Variants in DLGAP2 observed in about 807,000 individuals in gnomAD.
DLGAP2 encodes DLG associated protein 2, also known as disks large-associated protein 2.
In DLGAP2, 26 loss-of-function variants were observed where a neutral mutation model predicts 100.3. The observed-to-expected ratio is 0.26, with a 90% CI of 0.19 to 0.36. The LOEUF (loss-of-function observed/expected upper bound fraction) is 0.36. DLGAP2 is among the 10% of genes least tolerant of loss of function. The pLI, the probability that DLGAP2 is intolerant of heterozygous loss-of-function variation, is 1.00. For synonymous variants in DLGAP2, 886 were observed against 630.1 expected, an observed-to-expected ratio of 1.41 and a Z score of -6.08; for missense variants, 1,858 against 1,453.2, an observed-to-expected ratio of 1.28 and a Z score of -4.53.
chr8:1,174,779 T>TCAC (rs1326328960), intron 2 of DLGAP2, among the ~76,000 whole-genome samples: 18 of 152,170 alleles, frequency 1.2e-4, no homozygotes, highest in African/African-American at 4.3e-4. Context: ...ATTGTCATCA[T>TCAC]CACCACCATC....
chr8:1,694,827 G>A (rs1001439752), intron 13 of DLGAP2, among the ~76,000 whole-genome samples: 2 of 152,146 alleles, frequency 1.3e-5, no homozygotes, highest in African/African-American at 2.4e-5. Flanking sequence ...TTTGCTGGGG[G>A]AAAGGGAATG....
At chr8:911,153 C>A (rs1798476745) in intron 2 of DLGAP2, among the ~76,000 whole-genome samples, 1 of 152,078 alleles carries the variant, frequency 6.6e-6, no homozygotes, top group South Asian at 2.1e-4. Context: ...AGACCTCTTA[C>A]ACTTGCTTTA....
chr8:1,191,205 T>G (rs1342743580), intron 2 of DLGAP2, among the ~76,000 whole-genome samples: 6 of 147,944 alleles, frequency 4.1e-5, no homozygotes, highest in African/African-American at 1.5e-4. Context: ...GGAATCTCAC[T>G]CTGTCACCCA....
In DLGAP2 at chr8:1,668,643, C is replaced by G; in HGVS notation, c.2125C>G (p.Leu709Val). ...CATCCTGGTGTCCAAGGCGGAGGAG[C>G]TCCTCAAGAGCCGCTGCTCCTCCAT... is the stretch of plus-strand genomic sequence containing the variant. Reference protein sequence around the residue: ...KAILVSKAEELLKSRCSSIGI... With the variant: ...KAILVSKAEEVLKSRCSSIGI... Residue 709 changes from leucine (L) to valine (V), a missense_variant, in exon 9 of 15, where the codon CTC becomes GTC. By Grantham distance (32) the Leu-to-Val change is conservative. Coordinates refer to ENST00000637795, the MANE Select transcript of DLGAP2 (RefSeq NM_001346810.2). 1 of 1,587,626 alleles carries G rather than the reference C, an allele frequency of 6.3e-7. No homozygotes were observed. Among genetic ancestry groups the G allele is most frequent in the Non-Finnish European group, 8.6e-7 (1 of 1,167,252 alleles).
chr8:1,405,404 A>G (rs1237422168), intron 3 of DLGAP2, among the ~76,000 whole-genome samples: 1 of 16,502 alleles, frequency 6.1e-5, no homozygotes, highest in African/African-American at 2.0e-4. Context: ...AGAGTCGTGT[A>G]TTGAGTGCTT....
intron 2 of DLGAP2, among the ~76,000 whole-genome samples, chr8:1,178,723 C>A (rs1321674479): frequency 6.6e-6 from 1 of 152,164 alleles, no homozygotes; most frequent in Non-Finnish European, 1.5e-5. Flanking sequence ...CTGGGCAGTG[C>A]TTTTCTTCCC....
chr8:900,373 C>T (rs1279061691), intron 1 of DLGAP2, among the ~76,000 whole-genome samples: 1 of 150,778 alleles, frequency 6.6e-6, no homozygotes. Context: ...CGGGGTTGCT[C>T]CCGGGCGGAT....
chr8:1,118,341 G>A (rs765271830), intron 2 of DLGAP2, among the ~76,000 whole-genome samples: 14 of 152,154 alleles, frequency 9.2e-5, no homozygotes, highest in South Asian at 2.1e-4. Context: ...AGAAACTTTC[G>A]AAACTGCATT....
chr8:1,043,227 A>G (rs368593443), intron 2 of DLGAP2, among the ~76,000 whole-genome samples: 1,602 of 18,484 alleles, frequency 0.087, 5 homozygotes, highest in South Asian at 0.12. Context: ...TGGGTGGTGG[A>G]TGTGGGTGGT....
chr8:1,187,065 T>C (rs1476471523), intron 2 of DLGAP2, among the ~76,000 whole-genome samples: 6 of 150,536 alleles, frequency 4.0e-5, no homozygotes, highest in African/African-American at 9.7e-5. Context: ...ATGGAAGGGC[T>C]GTTCTGAGCA....
intron 2 of DLGAP2, among the ~76,000 whole-genome samples, chr8:1,131,950 A>T (rs1431211282): frequency 1.3e-5 from 2 of 152,308 alleles, no homozygotes; most frequent in Non-Finnish European, 2.9e-5. Flanking sequence ...TGTGACTGTT[A>T]TGAATTAGAG....
rs1392236656 is a variant in DLGAP2 at position 1,164,146 on chromosome 8, T to TGA, written c.74-94705_74-94704insGA. Among the ~76,000 whole-genome samples the TGA allele has an allele frequency of 1.0e-4, 11 of 108,656 alleles. 3 individuals carry two copies. The highest frequency in any genetic ancestry group is 3.1e-4 in the African/African-American group (9 of 28,674). 71.3% of individuals were successfully genotyped at this position (108,656 alleles called of 152,430 possible). ...GCCCGTCATTTTGGTTTGTGGGGAT[T>TGA]TTTCTGTGAGCCCCCCAGGGCCCGT... On this transcript the variant is annotated intron_variant, in intron 2 of 14. Transcript: ENST00000637795.
intron 1 of DLGAP2, among the ~76,000 whole-genome samples, chr8:808,716 C>A (rs913947425): frequency 2.6e-5 from 4 of 152,188 alleles, no homozygotes; most frequent in African/African-American, 7.2e-5. Context: ...TGGGCCATCT[C>A]AGGGCAGCCT....
At chr8:1,080,656 G>A (rs995130473) in intron 2 of DLGAP2, among the ~76,000 whole-genome samples, 1 of 152,212 alleles carries the variant, frequency 6.6e-6, no homozygotes, top group Non-Finnish European at 1.5e-5. Flanking sequence ...TGTCCTTCGT[G>A]CTGAACGCAG....
chr8:1,195,257 T>C (rs979503223), intron 2 of DLGAP2, among the ~76,000 whole-genome samples: 11 of 152,102 alleles, frequency 7.2e-5, no homozygotes, highest in Non-Finnish European at 1.3e-4. Context: ...CAGTTCTGCC[T>C]CCCGCTGGCC....
chr8:1,424,584 G>A (rs1307715291), intron 3 of DLGAP2, among the ~76,000 whole-genome samples: 1 of 152,234 alleles, frequency 6.6e-6, no homozygotes, highest in Non-Finnish European at 1.5e-5. Context: ...GACAAGGACG[G>A]TGTGATTACC....
intron 2 of DLGAP2, among the ~76,000 whole-genome samples, chr8:1,111,805 A>G (rs968030070): frequency 3.3e-5 from 5 of 152,142 alleles, no homozygotes; most frequent in Non-Finnish European, 7.3e-5. Flanking sequence ...TCAGTCTGTC[A>G]TTGCTGGGCA....
rs988642259 is a variant in DLGAP2 at position 1,704,574 on chromosome 8, C to G, written c.*3168C>G. The G allele has an allele frequency of 7.9e-5, 12 of 152,144 alleles. No individual in the cohort carries two copies. Among genetic ancestry groups the G allele is most frequent in the Non-Finnish European group, 1.6e-4 (11 of 68,038 alleles). The allele number at this position is 152,144 out of a possible 1,614,324, so 9.4% of individuals were successfully genotyped here. A position where few individuals can be genotyped will look rare whatever the true frequency, so the allele number is the denominator to read the frequency against. On this transcript the variant is annotated 3_prime_UTR_variant, in exon 15 of 15. Transcript: ENST00000637795. Reference sequence around the variant, plus strand: ...ATGACAATTTTTACCATAGTTTTCTCAGCAAATTTATATCACCATCTTAGA... The same window carrying G: ...ATGACAATTTTTACCATAGTTTTCTGAGCAAATTTATATCACCATCTTAGA...
At chr8:1,172,490 G>A (rs1163733322) in intron 2 of DLGAP2, among the ~76,000 whole-genome samples, 2 of 152,300 alleles carry the variant, frequency 1.3e-5, no homozygotes, top group African/African-American at 2.4e-5. Context: ...TTCCAACTTG[G>A]TTCTGTTCTC....
Sources: allele counts gnomAD v4.1 joint callset (sites outside exome capture counted in the v4.1 genomes callset), GRCh38; gene constraint gnomAD v4.1.1; transcripts MANE v1.5; gene names NCBI Gene and HGNC (gene_info 2026-07-23, HGNC 2026-07-21).